MYO1H: variants seen among roughly 807,000 people sequenced by gnomAD.
The protein encoded by MYO1H is unconventional myosin-Ih.
In MYO1H, 118 loss-of-function variants were observed where a neutral mutation model predicts 149.3. The observed-to-expected ratio is 0.79, with a 90% CI of 0.68 to 0.92. The LOEUF (loss-of-function observed/expected upper bound fraction) is 0.92, where lower values mean the gene tolerates loss of function less well. Ranked by LOEUF, MYO1H falls within the 40% of genes least tolerant of loss-of-function variation. The pLI, the probability that MYO1H is intolerant of heterozygous loss-of-function variation, is 0.00. For missense variants in MYO1H, 1,212 were observed against 1,280.7 expected (o/e 0.95, Z 0.82); for synonymous variants, 447 against 465.2 (o/e 0.96, Z 0.50).
chr12:109,351,117 T>C (rs182205309), intron 1 of MYO1H, among the ~76,000 whole-genome samples: 4 of 152,340 alleles, frequency 2.6e-5, no homozygotes, highest in Admixed American at 2.6e-4. Context: ...TGAAGTGGTG[T>C]ACAAGTAATA....
chr12:109,424,001 C>T (rs1278557108), intron 16 of MYO1H, among the ~76,000 whole-genome samples: 1 of 152,242 alleles, frequency 6.6e-6, no homozygotes, highest in Non-Finnish European at 1.5e-5. Context: ...CGAGAGTCAA[C>T]TGCTCTCACC....
chr12:109,407,233 C>A (rs899968448), intron 9 of MYO1H, among the ~76,000 whole-genome samples: 1 of 152,058 alleles, frequency 6.6e-6, no homozygotes. Context: ...GTCAAAGCAC[C>A]CTATGTATCT....
intron 26 of MYO1H, among the ~76,000 whole-genome samples, chr12:109,441,996 G>A (rs1412670990): frequency 3.3e-5 from 5 of 152,116 alleles, no homozygotes; most frequent in Admixed American, 6.5e-5. Flanking sequence ...GCAGTGAGCC[G>A]AGATCATGCC....
At chr12:109,326,523 ATTTTATTTTATTTTTT>A in the MYO1H span, among the ~76,000 whole-genome samples, 1 of 146,920 alleles carries the variant, frequency 6.8e-6, no homozygotes, top group South Asian at 2.1e-4. Flanking sequence ...ATTTTATTTT[ATTTTATTTTATTTTTT>A]GAGACAGCAT....
chr12:109,358,682 C>A (rs149976372), intron 1 of MYO1H, among the ~76,000 whole-genome samples: 1 of 152,176 alleles, frequency 6.6e-6, no homozygotes, highest in East Asian at 1.9e-4. Context: ...GCAAGCATCA[C>A]GAGATAGTGT....
the MYO1H span, among the ~76,000 whole-genome samples, chr12:109,317,208 G>A: frequency 6.6e-6 from 1 of 152,182 alleles, no homozygotes; most frequent in Non-Finnish European, 1.5e-5. Flanking sequence ...TTGATGTTGA[G>A]AATGAAAATG....
upstream of MYO1H, among the ~76,000 whole-genome samples, chr12:109,345,853 G>A (rs189846011): frequency 4.6e-5 from 7 of 152,280 alleles, no homozygotes; most frequent in East Asian, 1.3e-3. Flanking sequence ...GTCATGAAAG[G>A]TCACATATTG....
chr12:109,405,985 C>A lies in MYO1H; in HGVS notation c.913C>A (p.Gln305Lys), dbSNP rs761794270. Reference sequence around the variant, plus strand: ...GAACATTGGTTTTGAAGAAGACGACCAAGGCTGTGCCACTATCCCAGACAC... The same window carrying A: ...GAACATTGGTTTTGAAGAAGACGACAAAGGCTGTGCCACTATCCCAGACAC... The change falls in exon 8 of 32, where the codon CAA (glutamine) becomes AAA (lysine). Residue 305 changes from glutamine to lysine, a missense_variant. Physicochemically the swap from Gln to Lys is moderately conservative, Grantham distance 53 (BLOSUM62 1). Coordinates refer to ENST00000310903, the Ensembl canonical transcript of MYO1H. The A allele has an allele frequency of 4.3e-6, 7 of 1,613,780 alleles. No homozygotes were observed. The Admixed American group carries it at 1.2e-4, about 27-fold the overall frequency.
chr12:109,400,828 TAGTG>T (rs1463605042), intron 5 of MYO1H, among the ~76,000 whole-genome samples: 4 of 152,096 alleles, frequency 2.6e-5, no homozygotes, highest in Non-Finnish European at 4.4e-5. Flanking sequence ...AAAAATTAAA[TAGTG>T]AGGGATCATT....
intron 5 of MYO1H, 121 bp downstream of exon 5, chr12:109,397,933 TC>T: frequency 1.6e-6 from 1 of 628,998 alleles, no homozygotes; most frequent in Non-Finnish European, 2.6e-6. Flanking sequence ...TAAAAAAATA[TC>T]CAGGGTTAGT....
chr12:109,427,355 G>A, intron 18 of MYO1H, 114 bp from the exon 19 acceptor site: 1 of 548,374 alleles, frequency 1.8e-6, no homozygotes, highest in Admixed American at 2.6e-5. Context: ...CTCACGAAAT[G>A]AGTCTGGGGC....
the MYO1H span, among the ~76,000 whole-genome samples, chr12:109,314,044 C>T: frequency 6.6e-6 from 1 of 152,024 alleles, no homozygotes; most frequent in African/African-American, 2.4e-5. Flanking sequence ...ACCACCATGC[C>T]TGGCTAATTT....
intron 15 of MYO1H, among the ~76,000 whole-genome samples, chr12:109,420,718 T>G (rs1871136153): frequency 6.6e-6 from 1 of 151,810 alleles, no homozygotes; most frequent in South Asian, 2.1e-4. Context: ...AGAAATACAT[T>G]TGGTTGTCAC....
chr12:109,388,735 C>T lies in MYO1H; in HGVS notation c.65C>T (p.Thr22Ile), dbSNP rs80028360. The T allele has an allele frequency of 1.3e-4, 211 of 1,610,500 alleles. No individual in the cohort carries two copies. In the East Asian group the frequency reaches 4.5e-3, roughly 34 times the overall value. The change falls in exon 2 of 32, where the codon ACT becomes ATT. Residue 22 changes from threonine (T) to isoleucine (I), a missense_variant. By Grantham distance (89) the Thr-to-Ile change is moderately conservative (BLOSUM62 -1). Coordinates refer to ENST00000310903, the Ensembl canonical transcript of MYO1H. ...CGTCTGCACATGGAAGGGGCGCTGACTGCCCGGGACAAGGTCGGGGTTCAG... is the reference window on the plus strand; with the variant it reads ...CGTCTGCACATGGAAGGGGCGCTGATTGCCCGGGACAAGGTCGGGGTTCAG...
chr12:109,349,687 G>A (rs1868414419), intron 1 of MYO1H, among the ~76,000 whole-genome samples: 1 of 150,508 alleles, frequency 6.6e-6, no homozygotes, highest in Non-Finnish European at 1.5e-5. Context: ...GAGGCCGGGT[G>A]CGGTGGCTCA....
chr12:109,318,976 T>TTTTTG, the MYO1H span, among the ~76,000 whole-genome samples: 22 of 135,980 alleles, frequency 1.6e-4, no homozygotes, highest in African/African-American at 3.1e-4. Context: ...GGTTTTGTTT[T>TTTTTG]TTTTTTTTTT....
chr12:109,336,889 G>T, the MYO1H span, among the ~76,000 whole-genome samples: 4 of 152,160 alleles, frequency 2.6e-5, no homozygotes, highest in South Asian at 6.2e-4. Flanking sequence ...GGGTCATGGT[G>T]CTTCTTTGAA....
intron 1 of MYO1H, among the ~76,000 whole-genome samples, chr12:109,363,211 A>G (rs1868790948): frequency 6.6e-6 from 1 of 152,180 alleles, no homozygotes; most frequent in Non-Finnish European, 1.5e-5. Flanking sequence ...TTTTCTTCAT[A>G]ATACATTTAG....
At position 109,406,869 on chromosome 12, in the gene MYO1H, G is replaced by C. The variant is rs376853842; in HGVS notation, c.1035+9G>C. ...AAGCCAAAACTGAGGAGGTAAAAAT[G>C]GCTATAGGTGGAAATGTGCCAGCCC... is the stretch of plus-strand genomic sequence containing the variant. On this transcript the variant is annotated intron_variant, in intron 9 of 31. Coordinates refer to ENST00000310903, the Ensembl canonical transcript of MYO1H. The C allele has an allele frequency of 3.1e-6, 5 of 1,612,564 alleles. No individual in the cohort carries two copies. Among genetic ancestry groups the C allele is most frequent in the Non-Finnish European group, 4.2e-6 (5 of 1,178,854 alleles).
Sources: allele counts gnomAD v4.1 joint callset (sites outside exome capture counted in the v4.1 genomes callset), GRCh38; gene constraint gnomAD v4.1.1; transcripts MANE v1.5; gene names NCBI Gene and HGNC (gene_info 2026-07-23, HGNC 2026-07-21).